Variants in HSF2 observed in about 807,000 individuals in gnomAD.
HSF2 encodes the protein heat shock transcription factor 2, also known as heat shock factor protein 2.
In HSF2, 21 loss-of-function variants were observed where a neutral mutation model predicts 65.0. The observed-to-expected ratio is 0.32, with a 90% confidence interval of 0.23 to 0.47. The LOEUF (loss-of-function observed/expected upper bound fraction) is 0.47, where lower values mean the gene tolerates loss of function less well. HSF2 is among the 20% of genes least tolerant of loss of function. HSF2 has a pLI of 1.00. For missense variants in HSF2, 499 were observed against 628.1 expected (o/e 0.79, Z 2.20); for synonymous variants, 225 against 219.1 (o/e 1.03, Z -0.24).
At position 122,417,229 on chromosome 6, in the gene HSF2, A is replaced by G. The variant is rs559235125; in HGVS notation, c.531+933A>G. Among the ~76,000 whole-genome samples, 3 of 152,026 alleles carry G rather than the reference A, an allele frequency of 2.0e-5. No homozygotes were observed. The South Asian group carries it at 6.2e-4, about 32-fold the overall frequency. ...CTAAGTGTTTAGTCCAAGTACATGT[A>G]TTTTTAAAACTTTCATAGGCAACTC... On this transcript the variant is annotated intron_variant, in intron 5 of 12. Coordinates refer to ENST00000368455, the MANE Select transcript of HSF2 (RefSeq NM_004506.4).
rs57738769 is a variant in HSF2, at chr6:122,431,416, T to TAA, written c.1231-14_1231-13insAA. On this transcript the variant is annotated splice_polypyrimidine_tract_variant and intron_variant, in intron 11 of 12. Coordinates refer to ENST00000368455, the MANE Select transcript of HSF2 (RefSeq NM_004506.4). The stretch of plus-strand genomic sequence containing the variant: ...TATGAAACAAGTACTTATATATATA[T>TAA]TTTTTTCTTTTAGTCTGAGAATAAA... 7.4e-7 allele frequency: 1 copy of TAA among 1,350,632 alleles called. No individual in the cohort carries two copies. Among genetic ancestry groups the TAA allele is most frequent in the East Asian group, 2.5e-5 (1 of 40,226 alleles). 83.7% of individuals were successfully genotyped at this position (1,350,632 alleles called of 1,614,324 possible).
chr6:122,415,694 G>T (rs1774110535), intron 4 of HSF2, among the ~76,000 whole-genome samples: 2 of 152,006 alleles, frequency 1.3e-5, no homozygotes, highest in Admixed American at 6.6e-5. Context: ...CTATTGTCAT[G>T]AGTAGCAGAT....
intron 3 of HSF2, among the ~76,000 whole-genome samples, chr6:122,413,279 C>CGA (rs1774041038): frequency 6.6e-6 from 1 of 151,362 alleles, no homozygotes; most frequent in African/African-American, 2.4e-5. Context: ...ATAAAAGACT[C>CGA]TAAGATATTC....
At chr6:122,401,198 T>G (rs1773722925) in intron 1 of HSF2, among the ~76,000 whole-genome samples, 1 of 152,200 alleles carries the variant, frequency 6.6e-6, no homozygotes, top group Admixed American at 6.5e-5. Flanking sequence ...ATTTAATGAA[T>G]TCTGTACAAT....
chr6:122,420,359 T>A (rs1774205784), intron 7 of HSF2, 137 bp downstream of exon 7: 1 of 580,448 alleles, frequency 1.7e-6, no homozygotes, highest in Non-Finnish European at 2.8e-6. Context: ...AATTGTGACA[T>A]TTTTTATTAT....
chr6:122,406,055 C>T (rs1405037665), intron 1 of HSF2, among the ~76,000 whole-genome samples: 1 of 152,160 alleles, frequency 6.6e-6, no homozygotes, highest in Non-Finnish European at 1.5e-5. Flanking sequence ...GAGTCAGGAA[C>T]AAGAGCTCCT....
intron 1 of HSF2, among the ~76,000 whole-genome samples, chr6:122,407,610 G>A (rs1773895122): frequency 6.7e-6 from 1 of 149,650 alleles, no homozygotes; most frequent in South Asian, 2.1e-4. Context: ...TTTATTATTT[G>A]TGAGAATTCC....
chr6:122,420,002 A>G (rs555295693), intron 6 of HSF2, 133 bp from the exon 7 acceptor site: 5 of 732,720 alleles, frequency 6.8e-6, no homozygotes, highest in East Asian at 6.6e-5. Context: ...TTTTAAGTTT[A>G]TTTATTGTTA....
intron 10 of HSF2, among the ~76,000 whole-genome samples, chr6:122,426,953 C>T (rs968913289): frequency 3.3e-5 from 5 of 151,926 alleles, no homozygotes; most frequent in Admixed American, 6.6e-5. Flanking sequence ...TTGTTGATGC[C>T]GCTAGTATTA....
chr6:122,400,819 C>A (rs1420927874), intron 1 of HSF2, among the ~76,000 whole-genome samples: 1 of 152,200 alleles, frequency 6.6e-6, no homozygotes, highest in African/African-American at 2.4e-5. Flanking sequence ...TGTAGATGAT[C>A]ACCTATTGAG....
chr6:122,404,622 T>G (rs1011224926), intron 1 of HSF2, among the ~76,000 whole-genome samples: 14 of 152,220 alleles, frequency 9.2e-5, no homozygotes, highest in Non-Finnish European at 1.5e-4. Flanking sequence ...TAACGACTGT[T>G]TCTACTCTTT....
chr6:122,429,285 G>A (rs1202161340), intron 11 of HSF2, among the ~76,000 whole-genome samples: 1 of 151,994 alleles, frequency 6.6e-6, no homozygotes, highest in Non-Finnish European at 1.5e-5. Context: ...ACTGGACATT[G>A]AGTCCTTATT....
intron 8 of HSF2, 103 bp from the exon 9 acceptor site, chr6:122,422,615 C>G: frequency 8.4e-7 from 1 of 1,196,572 alleles, no homozygotes; most frequent in South Asian, 1.4e-5. Context: ...TTAAGCCTTT[C>G]AGTATGTGGT....
At chr6:122,404,333 T>C (rs1323873231) in intron 1 of HSF2, among the ~76,000 whole-genome samples, 2 of 152,112 alleles carry the variant, frequency 1.3e-5, no homozygotes, top group Non-Finnish European at 2.9e-5. Flanking sequence ...AAAGTGAAAA[T>C]AAGAAAGACT....
At chr6:122,430,734 TAAG>T (rs1023810770) in intron 11 of HSF2, among the ~76,000 whole-genome samples, 14 of 152,224 alleles carry the variant, frequency 9.2e-5, no homozygotes, top group African/African-American at 2.9e-4. Flanking sequence ...CAGGAAAAAT[TAAG>T]AACCTCTGCA....
At position 122,419,170 on chromosome 6, in the gene HSF2, T is replaced by C. The variant is rs535208167; in HGVS notation, c.534T>C (p.Ile178=). ...ATTTTTGTTTATATTTTTTTCAGAT[T>C]GTCCAGTTTATTGTTACATTGGTTC... ...HAQQQQVIRK[I]VQFIVTLVQN... is the part of the protein sequence containing the mutation. Residue 178 remains isoleucine, a splice_region_variant and synonymous_variant, in exon 6 of 13, where the codon ATT becomes ATC. Coordinates refer to ENST00000368455, the MANE Select transcript of HSF2 (RefSeq NM_004506.4). 43 of 1,426,668 alleles carry C rather than the reference T, an allele frequency of 3.0e-5. No individual in the cohort carries two copies. In the Admixed American group the frequency reaches 5.3e-4, roughly 18 times the overall value. 88.4% of individuals were successfully genotyped at this position (1,426,668 alleles called of 1,614,324 possible). A position where few individuals can be genotyped will look rare whatever the true frequency, so the allele number is the denominator to read the frequency against.
intron 7 of HSF2, among the ~76,000 whole-genome samples, chr6:122,421,900 G>A (rs1774242858): frequency 6.6e-6 from 1 of 151,986 alleles, no homozygotes; most frequent in Non-Finnish European, 1.5e-5. Flanking sequence ...TTTTAGGGGT[G>A]TCATCTTCAG....
At chr6:122,409,377 G>GA (rs1773939110) in intron 1 of HSF2, among the ~76,000 whole-genome samples, 1 of 152,002 alleles carries the variant, frequency 6.6e-6, no homozygotes, top group South Asian at 2.1e-4. Context: ...GGTTTCAGTC[G>GA]AGTGAGGGAA....
intron 12 of HSF2, 23 bp downstream of exon 12, chr6:122,431,537 G>C: frequency 7.5e-7 from 1 of 1,338,550 alleles, no homozygotes. Context: ...ATAGTATTCA[G>C]TCTCTGTAGG....
Sources: allele counts gnomAD v4.1 joint callset (sites outside exome capture counted in the v4.1 genomes callset), GRCh38; gene constraint gnomAD v4.1.1; transcripts MANE v1.5; gene names NCBI Gene and HGNC (gene_info 2026-07-23, HGNC 2026-07-21).